The following MACROD2 variants were observed in gnomAD, a reference collection of about 807,000 sequenced individuals.
The protein encoded by MACROD2 is mono-ADP ribosylhydrolase 2.
In MACROD2, 36 loss-of-function variants were observed where a neutral mutation model predicts 70.4. The observed-to-expected ratio is 0.51, with a 90% confidence interval of 0.39 to 0.68. MACROD2 has a LOEUF of 0.68. Among genes scored for constraint, MACROD2 ranks in the 30% least tolerant of loss-of-function variants. The probability of loss-of-function intolerance (pLI) is 0.00; values close to 1 mark genes in which losing one functional copy is unlikely to be tolerated. For missense variants in MACROD2, 496 were observed against 538.4 expected (o/e 0.92, Z 0.78); for synonymous variants, 172 against 178.8 (o/e 0.96, Z 0.30).
intron 8 of MACROD2, among the ~76,000 whole-genome samples, chr20:15,721,932 C>G (rs894944481): frequency 1.3e-5 from 2 of 152,074 alleles, no homozygotes; most frequent in African/African-American, 4.8e-5. Flanking sequence ...CTAGGTGTCC[C>G]TAAAAATACA....
At chr20:15,020,712 G>A (rs2075159549) in intron 5 of MACROD2, among the ~76,000 whole-genome samples, 1 of 151,966 alleles carries the variant, frequency 6.6e-6, no homozygotes, top group African/African-American at 2.4e-5. Flanking sequence ...ACATGTTACT[G>A]TACTGAGTAG....
At chr20:14,913,652 A>G (rs1290865024) in intron 5 of MACROD2, among the ~76,000 whole-genome samples, 1 of 152,194 alleles carries the variant, frequency 6.6e-6, no homozygotes, top group Non-Finnish European at 1.5e-5. Context: ...ACATCACTGC[A>G]TTCTTGCCTG....
intron 2 of MACROD2, among the ~76,000 whole-genome samples, chr20:14,016,746 T>C (rs962287364): frequency 6.6e-6 from 1 of 152,166 alleles, no homozygotes; most frequent in African/African-American, 2.4e-5. Context: ...CAGAACCACA[T>C]TATTTTGATT....
intron 5 of MACROD2, among the ~76,000 whole-genome samples, chr20:14,861,340 A>G (rs2073314154): frequency 6.6e-6 from 1 of 152,118 alleles, no homozygotes; most frequent in South Asian, 2.1e-4. Context: ...TTGGAATATC[A>G]GGGAAACATA....
chr20:14,180,695 G>A (rs148989485), intron 3 of MACROD2, among the ~76,000 whole-genome samples: 16 of 152,062 alleles, frequency 1.1e-4, no homozygotes, highest in African/African-American at 2.9e-4. Context: ...TTCTGTTTAT[G>A]TTAGTTTGAA....
intron 3 of MACROD2, among the ~76,000 whole-genome samples, chr20:14,433,347 T>A (rs930322110): frequency 9.2e-5 from 14 of 152,214 alleles, no homozygotes; most frequent in Admixed American, 2.6e-4. Flanking sequence ...GATGATTTTT[T>A]AAGACATTTT....
At chr20:14,184,438 T>C (rs1219994535) in intron 3 of MACROD2, among the ~76,000 whole-genome samples, 10 of 152,142 alleles carry the variant, frequency 6.6e-5, no homozygotes, top group Admixed American at 6.5e-4. Context: ...AGCCCTGTAG[T>C]ATAGTTTGAA....
At chr20:14,740,995 A>G (rs2071725914) in intron 5 of MACROD2, among the ~76,000 whole-genome samples, 1 of 152,164 alleles carries the variant, frequency 6.6e-6, no homozygotes, top group Non-Finnish European at 1.5e-5. Context: ...GCATCTTAAT[A>G]TTATATTGGA....
At chr20:14,134,801 CA>C (rs5840594) in intron 3 of MACROD2, among the ~76,000 whole-genome samples, 14 of 98,346 alleles carry the variant, frequency 1.4e-4, no homozygotes, top group African/African-American at 5.4e-4. Context: ...GACTCCGTGT[CA>C]AAAAAAAAAA....
chr20:15,412,759 T>C (rs1034062678), intron 6 of MACROD2, among the ~76,000 whole-genome samples: 2 of 152,234 alleles, frequency 1.3e-5, no homozygotes, highest in African/African-American at 2.4e-5. Flanking sequence ...TTACTATGTC[T>C]AATGACTTTG....
intron 8 of MACROD2, among the ~76,000 whole-genome samples, chr20:15,594,965 T>C (rs1364459810): frequency 6.6e-6 from 1 of 152,232 alleles, no homozygotes; most frequent in African/African-American, 2.4e-5. Context: ...GTTGATTTCT[T>C]AGTGTTTTCT....
intron 8 of MACROD2, among the ~76,000 whole-genome samples, chr20:15,649,629 T>C (rs997764446): frequency 6.6e-6 from 1 of 152,208 alleles, no homozygotes; most frequent in African/African-American, 2.4e-5. Context: ...GGTTGCTATG[T>C]GGCAATTAGT....
intron 8 of MACROD2, among the ~76,000 whole-genome samples, chr20:15,732,156 A>T (rs914488983): frequency 1.3e-5 from 2 of 151,534 alleles, no homozygotes; most frequent in Admixed American, 1.3e-4. Flanking sequence ...TGGCAATGGC[A>T]GCGGAGGGTT....
intron 3 of MACROD2, among the ~76,000 whole-genome samples, chr20:14,137,933 C>T (rs1456178829): frequency 1.3e-5 from 2 of 152,128 alleles, no homozygotes; most frequent in Middle Eastern, 3.4e-3. Flanking sequence ...AAAAACAAAA[C>T]ACCAAAGATG....
chr20:14,625,251 C>T (rs1008704653), intron 4 of MACROD2, among the ~76,000 whole-genome samples: 2 of 151,930 alleles, frequency 1.3e-5, no homozygotes, highest in African/African-American at 4.8e-5. Flanking sequence ...CACTTGAACC[C>T]AGGAGGTAGA....
chr20:15,063,800 A>C (rs1489511184), intron 5 of MACROD2, among the ~76,000 whole-genome samples: 1 of 152,172 alleles, frequency 6.6e-6, no homozygotes, highest in Admixed American at 6.5e-5. Context: ...AACATCAGTA[A>C]TATTATTCAG....
In MACROD2 at chr20:15,231,362, A is replaced by G. The variant is rs538528166; in HGVS notation, c.540+1301A>G. ...CCAGTTGGTTAATTTTGTTCTCTATAGGAAAATAAGAAAAATCAAAACAGG... is the reference window on the plus strand; with the variant it reads ...CCAGTTGGTTAATTTTGTTCTCTATGGGAAAATAAGAAAAATCAAAACAGG... On this transcript the variant is annotated intron_variant, in intron 6 of 17. Coordinates refer to ENST00000684519, the MANE Select transcript of MACROD2 (RefSeq NM_001351661.2). 3.9e-5 allele frequency among the ~76,000 whole-genome samples: 6 copies of G among 152,174 alleles called. No individual in the cohort carries two copies. The South Asian group carries it at 1.2e-3, about 32-fold the overall frequency.
chr20:15,926,346 G>A (rs1432651240), intron 10 of MACROD2, among the ~76,000 whole-genome samples: 3 of 152,100 alleles, frequency 2.0e-5, no homozygotes, highest in South Asian at 2.1e-4. Context: ...AGGCAAGAGC[G>A]TATTTCATTA....
intron 5 of MACROD2, among the ~76,000 whole-genome samples, chr20:15,164,072 C>T (rs2076366516): frequency 6.6e-6 from 1 of 151,938 alleles, no homozygotes; most frequent in Non-Finnish European, 1.5e-5. Flanking sequence ...GAGAAAATAA[C>T]AATTGTTATT....
Sources: allele counts gnomAD v4.1 joint callset (sites outside exome capture counted in the v4.1 genomes callset), GRCh38; gene constraint gnomAD v4.1.1; transcripts MANE v1.5; gene names NCBI Gene and HGNC (gene_info 2026-07-23, HGNC 2026-07-21).